Variants in ACVR2B observed in about 807,000 individuals in gnomAD.
The protein encoded by ACVR2B is activin receptor type-2B.
A neutral mutation model predicts 65.1 loss-of-function variants in ACVR2B; 18 were observed. The observed-to-expected ratio is 0.28, with a 90% CI of 0.19 to 0.41. The LOEUF is 0.41. Ranked by LOEUF, ACVR2B falls within the 10% of genes least tolerant of loss-of-function variation. The pLI is 1.00. For missense variants in ACVR2B, 482 were observed against 682.7 expected (o/e 0.71, Z 3.28); for synonymous variants, 298 against 277.7 (o/e 1.07, Z -0.73).
Position 38,483,057 on chromosome 3 carries a change from C to G in ACVR2B, c.1345-81C>G. On this transcript the variant is annotated intron_variant, in intron 10 of 10. Coordinates refer to ENST00000352511, the MANE Select transcript of ACVR2B (RefSeq NM_001106.4). The surrounding 1 kb of genome is among the most constrained non-coding windows in gnomAD (Gnocchi z 4.8). ...GGCTCTGCCTGATCCTTGGGAATATCAAGTTTACTGTCCCCCAAAGCTTTT... is the reference window on the plus strand; with the variant it reads ...GGCTCTGCCTGATCCTTGGGAATATGAAGTTTACTGTCCCCCAAAGCTTTT... 1 of 1,526,658 alleles carries G rather than the reference C, an allele frequency of 6.6e-7. No homozygotes were observed. Among genetic ancestry groups the G allele is most frequent in the East Asian group, 2.3e-5 (1 of 44,430 alleles). 94.6% of individuals were successfully genotyped at this position (1,526,658 alleles called of 1,614,324 possible). A position where few individuals can be genotyped will look rare whatever the true frequency, so the allele number is the denominator to read the frequency against.
chr3:38,473,120 TTTC>T (rs1204707912), intron 1 of ACVR2B, among the ~76,000 whole-genome samples: 1 of 152,156 alleles, frequency 6.6e-6, no homozygotes, highest in African/African-American at 2.4e-5. Context: ...CACTGGGTAC[TTTC>T]TCTCTACTGG....
rs1298614753 is a variant in ACVR2B, at chr3:38,484,874, G to C, written c.*1542G>C. The C allele has an allele frequency of 3.3e-5, 5 of 152,672 alleles. No individual in the cohort carries two copies. The highest frequency in any genetic ancestry group is 9.6e-5 in the African/African-American group (4 of 41,550). The allele number at this position is 152,672 out of a possible 1,614,324, so 9.5% of individuals were successfully genotyped here. On this transcript the variant is annotated 3_prime_UTR_variant, in exon 11 of 11. Transcript: ENST00000352511. ...TAGTAAGTATATTTTAATGTAAGTT[G>C]GCTTTTGTGACAAGGAAGTTTAAAA... is the stretch of plus-strand genomic sequence containing the variant.
At position 38,478,163 on chromosome 3, in the gene ACVR2B, A is replaced by G. The variant is rs373911859; in HGVS notation, c.393A>G (p.Thr131=). ...GPEVTYEPPP[T]APTLLTVLAY... is the part of the protein sequence containing the mutation. ...CAGTCACGTACGAGCCACCCCCGAC[A>G]GCCCCCACCCTGCTCACGGTGCTGG... is the stretch of plus-strand genomic sequence containing the variant. Residue 131 remains threonine (T), a synonymous_variant, in exon 4 of 11, where the codon ACA becomes ACG. Coordinates refer to ENST00000352511, the MANE Select transcript of ACVR2B (RefSeq NM_001106.4). 2 of 1,612,522 alleles carry G rather than the reference A, an allele frequency of 1.2e-6. No individual in the cohort carries two copies. The highest frequency in any genetic ancestry group is 1.7e-6 in the Non-Finnish European group (2 of 1,179,920).
chr3:38,477,450 C>T lies in ACVR2B; in HGVS notation c.216C>T (p.Leu72=), dbSNP rs755236399. ...SWRNSSGTIE[L]VKKGCWLDDF... is the part of the protein sequence containing the mutation. ...GCAACAGCTCTGGCACCATCGAGCT[C>T]GTGAAGAAGGGCTGCTGGCTAGATG... The change falls in exon 2 of 11, where the codon CTC becomes CTT. Residue 72 remains leucine, a synonymous_variant. Coordinates refer to ENST00000352511, the MANE Select transcript of ACVR2B (RefSeq NM_001106.4). This position sits in a 1 kb window ranked among gnomAD's most constrained non-coding sequence, Gnocchi z 6.7. The T allele has an allele frequency of 2.5e-6, 4 of 1,614,040 alleles. No individual in the cohort carries two copies. The highest frequency in any genetic ancestry group is 1.3e-5 in the African/African-American group (1 of 74,920).
chr3:38,477,198 A>T lies in ACVR2B; in HGVS notation c.53-89A>T, dbSNP rs1709926473. 6.6e-7 allele frequency: 1 copy of T among 1,510,868 alleles called. No individual in the cohort carries two copies. Among genetic ancestry groups the T allele is most frequent in the Non-Finnish European group, 9.1e-7 (1 of 1,102,096 alleles). The allele number at this position is 1,510,868 out of a possible 1,614,324, so 93.6% of individuals were successfully genotyped here. On this transcript the variant is annotated intron_variant, in intron 1 of 10. Transcript: ENST00000352511. The surrounding 1 kb of genome is among the most constrained non-coding windows in gnomAD (Gnocchi z 6.7). Reference sequence around the variant, plus strand: ...ACCCACCACCCGGCCTCCCTCCCTCAGGGTGGCCTGGCACCCAGGACTGGG... The same window carrying T: ...ACCCACCACCCGGCCTCCCTCCCTCTGGGTGGCCTGGCACCCAGGACTGGG...
Position 38,492,488 on chromosome 3 carries a change from T to C in ACVR2B, c.*9156T>C, listed in dbSNP as rs1283920268. On this transcript the variant is annotated 3_prime_UTR_variant, in exon 11 of 11. Transcript: ENST00000352511. ...GTGCTAAAACTAAAGACTTCTAGTTTTTGGCTCAAATAAGTACTGTTTGTA... is the reference window on the plus strand; with the variant it reads ...GTGCTAAAACTAAAGACTTCTAGTTCTTGGCTCAAATAAGTACTGTTTGTA... 3 of 152,442 alleles carry C rather than the reference T, an allele frequency of 2.0e-5. No individual in the cohort carries two copies. The highest frequency in any genetic ancestry group is 4.4e-5 in the Non-Finnish European group (3 of 68,028). The allele number at this position is 152,442 out of a possible 1,614,324, so 9.4% of individuals were successfully genotyped here.
intron 1 of ACVR2B, among the ~76,000 whole-genome samples, chr3:38,455,834 G>A (rs147601095): frequency 2.0e-5 from 3 of 152,318 alleles, no homozygotes; most frequent in South Asian, 2.1e-4. Flanking sequence ...GAAAGGGGAG[G>A]CATTGGTCTG....
At chr3:38,459,478 C>A in intron 1 of ACVR2B, 1 of 514,520 alleles carries the variant, frequency 1.9e-6, no homozygotes, top group Non-Finnish European at 2.5e-6. Flanking sequence ...GACTCTCTGC[C>A]TGCCCAGCAG....
chr3:38,480,789 C>T (rs976335959), intron 7 of ACVR2B, among the ~76,000 whole-genome samples: 4 of 152,160 alleles, frequency 2.6e-5, no homozygotes, highest in Admixed American at 6.5e-5. Context: ...ACCACTCAGT[C>T]GAATCCTCAC....
At chr3:38,459,772 G>A (rs1709610488) in intron 1 of ACVR2B, 1 of 695,328 alleles carries the variant, frequency 1.4e-6, no homozygotes, top group Non-Finnish European at 1.8e-6. Flanking sequence ...TGTGGACCTG[G>A]GGAGGTGTGG....
rs1391869257 is a variant in ACVR2B, at chr3:38,453,976, C to T, written c.-347C>T. 1.4e-5 allele frequency: 2 copies of T among 147,236 alleles called. No homozygotes were observed. The highest frequency in any genetic ancestry group is 3.0e-5 in the Non-Finnish European group (2 of 65,584). 9.1% of individuals were successfully genotyped at this position (147,236 alleles called of 1,614,324 possible). A position where few individuals can be genotyped will look rare whatever the true frequency, so the allele number is the denominator to read the frequency against. ...CCACCCCTCCCCCCGTTCATGGCCCCTCCGGACTCGGCCCCTGCGCCCGGG... is the reference window on the plus strand; with the variant it reads ...CCACCCCTCCCCCCGTTCATGGCCCTTCCGGACTCGGCCCCTGCGCCCGGG... On this transcript the variant is annotated 5_prime_UTR_variant, in exon 1 of 11. Coordinates refer to ENST00000352511, the MANE Select transcript of ACVR2B (RefSeq NM_001106.4).
intron 1 of ACVR2B, among the ~76,000 whole-genome samples, chr3:38,456,303 G>A (rs1296645169): frequency 6.6e-6 from 1 of 152,192 alleles, no homozygotes; most frequent in Non-Finnish European, 1.5e-5. Context: ...AGACCTGACC[G>A]TCCTGTTGCT....
intron 1 of ACVR2B, among the ~76,000 whole-genome samples, chr3:38,461,733 A>T (rs1435377348): frequency 6.6e-6 from 1 of 152,210 alleles, no homozygotes; most frequent in Admixed American, 6.5e-5. Context: ...CAAGTAATAT[A>T]CCTACATTAT....
In ACVR2B at chr3:38,477,821, C is replaced by T. The variant is rs1709938911; in HGVS notation, c.261-40C>T. On this transcript the variant is annotated intron_variant, in intron 2 of 10. Transcript: ENST00000352511. This position sits in a 1 kb window ranked among gnomAD's most constrained non-coding sequence, Gnocchi z 6.7. Reference sequence around the variant, plus strand: ...GGGCAGGCCTGGGGGAGTCTTGCATCCCCCAGGTGAGGGGTATATGGAAAA... The same window carrying T: ...GGGCAGGCCTGGGGGAGTCTTGCATTCCCCAGGTGAGGGGTATATGGAAAA... The T allele has an allele frequency of 1.3e-6, 2 of 1,597,728 alleles. No homozygotes were observed. The highest frequency in any genetic ancestry group is 1.7e-5 in the Admixed American group (1 of 59,980).
At chr3:38,472,128 C>T (rs556378145) in intron 1 of ACVR2B, among the ~76,000 whole-genome samples, 145 of 152,338 alleles carry the variant, frequency 9.5e-4, no homozygotes, top group Non-Finnish European at 2.0e-3. Context: ...CTCCAGCCTT[C>T]CTTCCTGGCC....
rs495195 is a variant in ACVR2B at position 38,477,139 on chromosome 3, G to A, written c.53-148G>A. 11 of 805,312 alleles carry A rather than the reference G, an allele frequency of 1.4e-5. No homozygotes were observed. The highest frequency in any genetic ancestry group is 2.2e-5 in the Admixed American group (1 of 45,126). 49.9% of individuals were successfully genotyped at this position (805,312 alleles called of 1,614,324 possible). On this transcript the variant is annotated intron_variant, in intron 1 of 10. Transcript: ENST00000352511. The surrounding 1 kb of genome is among the most constrained non-coding windows in gnomAD (Gnocchi z 6.7). ...GGTGTGGGACGGATGGGTGGCCTACGTCCAGGGGTGAGTGCAGGAGGTTGG... is the reference window on the plus strand; with the variant it reads ...GGTGTGGGACGGATGGGTGGCCTACATCCAGGGGTGAGTGCAGGAGGTTGG...
In ACVR2B at chr3:38,484,777, CA is replaced by C. The variant is rs1424909954; in HGVS notation, c.*1448del. Reference sequence around the variant, plus strand: ...AAAACTTCACGACCACAGATCACCTCAAACCAGAAATACCTCAGAATTTTCT... The same window carrying C: ...AAAACTTCACGACCACAGATCACCTCAACCAGAAATACCTCAGAATTTTCT... On this transcript the variant is annotated 3_prime_UTR_variant, in exon 11 of 11. Coordinates refer to ENST00000352511, the MANE Select transcript of ACVR2B (RefSeq NM_001106.4). 5 of 152,612 alleles carry C rather than the reference CA, an allele frequency of 3.3e-5. No homozygotes were observed. Among genetic ancestry groups the C allele is most frequent in the African/African-American group, 1.2e-4 (5 of 41,424 alleles). 9.5% of individuals were successfully genotyped at this position (152,612 alleles called of 1,614,324 possible).
rs944095940 is a variant in ACVR2B at position 38,485,219 on chromosome 3, G to A, written c.*1887G>A. On this transcript the variant is annotated 3_prime_UTR_variant, in exon 11 of 11. Coordinates refer to ENST00000352511, the MANE Select transcript of ACVR2B (RefSeq NM_001106.4). ...GTAATTCACATGTAACATGTAACTT[G>A]ATCGGTCAGTGTTCAGAATGACAAG... 6.6e-6 allele frequency: 1 copy of A among 152,206 alleles called. No individual in the cohort carries two copies. Among genetic ancestry groups the A allele is most frequent in the South Asian group, 2.1e-4 (1 of 4,826 alleles). The allele number at this position is 152,206 out of a possible 1,614,324, so 9.4% of individuals were successfully genotyped here. A position where few individuals can be genotyped will look rare whatever the true frequency, so the allele number is the denominator to read the frequency against.
intron 1 of ACVR2B, among the ~76,000 whole-genome samples, chr3:38,466,373 C>T (rs1161348770): frequency 6.6e-6 from 1 of 152,040 alleles, no homozygotes; most frequent in Non-Finnish European, 1.5e-5. Context: ...GTTCCTACCA[C>T]AAAGAAATGA....
Sources: gnomAD v4.1 joint callset for allele counts (sites outside exome capture counted in the v4.1 genomes callset) on GRCh38, gnomAD v4.1.1 for gene constraint, Gnocchi (gnomAD v3.1) non-coding constraint, MANE v1.5 for transcripts, NCBI Gene and HGNC (gene_info 2026-07-23, HGNC 2026-07-21) for gene names.